The following SLC44A1 variants were observed in gnomAD, a reference collection of about 807,000 sequenced individuals.
The protein encoded by SLC44A1 is solute carrier family 44 member 1.
SLC44A1 carries 26 observed loss-of-function variants against 79.3 expected under a neutral mutation model. That is an observed-to-expected ratio of 0.33 (90% CI 0.24 to 0.46). The LOEUF is 0.46. Ranked by LOEUF, SLC44A1 falls within the 20% of genes least tolerant of loss-of-function variation. The probability of loss-of-function intolerance (pLI) is 1.00; values close to 1 mark genes in which losing one functional copy is unlikely to be tolerated. For synonymous variants in SLC44A1, 263 were observed against 286.2 expected (o/e 0.92, Z 0.82); for missense variants, 688 against 798.1 (o/e 0.86, Z 1.66).
chr9:105,421,092 G>A (rs187518724), intron 15 of SLC44A1, among the ~76,000 whole-genome samples: 474 of 152,108 alleles, frequency 3.1e-3, no homozygotes, highest in African/African-American at 0.011. Context: ...GGTGTTAAGC[G>A]TTTTAAAAAC....
At chr9:105,274,563 T>G (rs1830156908) in intron 1 of SLC44A1, among the ~76,000 whole-genome samples, 1 of 152,226 alleles carries the variant, frequency 6.6e-6, no homozygotes, top group Non-Finnish European at 1.5e-5. Context: ...GTTAACTAAG[T>G]GTTTCATGTC....
chr9:105,371,673 C>T (rs192945189), intron 12 of SLC44A1, among the ~76,000 whole-genome samples: 59 of 135,762 alleles, frequency 4.3e-4, no homozygotes, highest in Non-Finnish European at 7.2e-4. Flanking sequence ...GAGCTGAGAT[C>T]GTGCCTCTGC....
chr9:105,340,412 G>T (rs908545679), intron 4 of SLC44A1, among the ~76,000 whole-genome samples: 3 of 152,216 alleles, frequency 2.0e-5, no homozygotes, highest in African/African-American at 7.2e-5. Context: ...AATGGGTGAA[G>T]AGTTTTAGTT....
In SLC44A1 at chr9:105,257,952, T is replaced by A. The variant is rs550868749; in HGVS notation, c.36+13048T>A. 3.0e-4 allele frequency among the ~76,000 whole-genome samples: 45 copies of A among 152,266 alleles called. 1 individual carries two copies. In the South Asian group the frequency reaches 9.3e-3, roughly 32 times the overall value. On this transcript the variant is annotated intron_variant, in intron 1 of 15. Transcript: ENST00000374720. Reference sequence around the variant, plus strand: ...GTTTTCAGAGTGGTTTAAGGAAGATTAATTTGACAGCATAACTGCACCTGA... The same window carrying A: ...GTTTTCAGAGTGGTTTAAGGAAGATAAATTTGACAGCATAACTGCACCTGA...
intron 5 of SLC44A1, among the ~76,000 whole-genome samples, chr9:105,351,411 G>A (rs552284282): frequency 9.1e-4 from 139 of 152,070 alleles, no homozygotes; most frequent in African/African-American, 3.3e-3. Flanking sequence ...GTGCATGCCT[G>A]TAATCCCAGC....
chr9:105,351,599 A>AG (rs1554797109), intron 5 of SLC44A1, among the ~76,000 whole-genome samples: 2,198 of 101,410 alleles, frequency 0.022, 44 homozygotes, highest in South Asian at 0.037. Context: ...AGAGAAAGAG[A>AG]AAGAAAGAAA....
At chr9:105,327,364 C>T (rs1253025402) in intron 3 of SLC44A1, among the ~76,000 whole-genome samples, 2 of 152,126 alleles carry the variant, frequency 1.3e-5, no homozygotes, top group Non-Finnish European at 2.9e-5. Flanking sequence ...CTCACTGCAA[C>T]CTCCACTTCC....
intron 1 of SLC44A1, among the ~76,000 whole-genome samples, chr9:105,282,068 A>G (rs2131255201): frequency 6.6e-6 from 1 of 152,330 alleles, no homozygotes; most frequent in Non-Finnish European, 1.5e-5. Context: ...GGTGGGCAAG[A>G]TAAATTGCCG....
rs532077748 is a variant in SLC44A1, at chr9:105,300,660, A to G, written c.126+1351A>G. Among the ~76,000 whole-genome samples, 4 of 152,344 alleles carry G rather than the reference A, an allele frequency of 2.6e-5. No individual in the cohort carries two copies. The East Asian group carries it at 5.8e-4, about 22-fold the overall frequency. ...TTTAGGATATTTAGGAAAGGTCAAA[A>G]TACTCATCTCCTAACTTAATGACTT... is the stretch of plus-strand genomic sequence containing the variant. On this transcript the variant is annotated intron_variant, in intron 2 of 15. Coordinates refer to ENST00000374720, the MANE Select transcript of SLC44A1 (RefSeq NM_080546.5).
intron 3 of SLC44A1, 64 bp downstream of exon 3, chr9:105,309,930 C>G: frequency 6.8e-7 from 1 of 1,479,800 alleles, no homozygotes; most frequent in Non-Finnish European, 9.2e-7. Flanking sequence ...GAAAATCCTG[C>G]TGTTCTTGCT....
At chr9:105,380,836 A>G (rs1828440975) in intron 13 of SLC44A1, among the ~76,000 whole-genome samples, 1 of 152,180 alleles carries the variant, frequency 6.6e-6, no homozygotes, top group African/African-American at 2.4e-5. Flanking sequence ...ACTGGGCTTT[A>G]TCATGGATCC....
At chr9:105,414,181 G>A (rs1564056475) in intron 15 of SLC44A1, among the ~76,000 whole-genome samples, 2 of 151,866 alleles carry the variant, frequency 1.3e-5, no homozygotes, top group Non-Finnish European at 2.9e-5. Flanking sequence ...TCCTGCCTCA[G>A]CCTCCCAAGT....
At chr9:105,380,343 C>T (rs78172203) in intron 13 of SLC44A1, among the ~76,000 whole-genome samples, 12,067 of 152,030 alleles carry the variant, frequency 0.079, 587 homozygotes, top group African/African-American at 0.12. Context: ...AGAACAGGAA[C>T]GTCTATTTTT....
rs896315999 is a variant in SLC44A1, at chr9:105,396,645, A to C, written c.*7589A>C. The C allele has an allele frequency of 2.0e-6, 2 of 985,030 alleles. No homozygotes were observed. Among genetic ancestry groups the C allele is most frequent in the Non-Finnish European group, 2.4e-6 (2 of 829,892 alleles). The allele number at this position is 985,030 out of a possible 1,614,324, so 61.0% of individuals were successfully genotyped here. A position where few individuals can be genotyped will look rare whatever the true frequency, so the allele number is the denominator to read the frequency against. On this transcript the variant is annotated 3_prime_UTR_variant, in exon 16 of 16. Coordinates refer to ENST00000374720, the MANE Select transcript of SLC44A1 (RefSeq NM_080546.5). The stretch of plus-strand genomic sequence containing the variant: ...AGAAAACACACATCGGTGTGTCTTG[A>C]TTTCTCGCAGCTGTGTAATGTGGCA...
chr9:105,362,977 A>T lies in SLC44A1; in HGVS notation c.1057A>T (p.Ile353Phe). The change falls in exon 9 of 16, where the codon ATC (isoleucine) becomes TTC (phenylalanine). Residue 353 changes from isoleucine to phenylalanine, a missense_variant. Physicochemically the swap from Ile to Phe is conservative, Grantham distance 21. Transcript: ENST00000374720. Reference protein sequence around the residue: ...FALVLFWVYWIMTLLFLGTTG... With the variant: ...FALVLFWVYWFMTLLFLGTTG... ...TCTTGTCTTGTTTTGGGTGTACTGG[A>T]TCATGACACTTCTTTTTCTTGGCAC... 6.2e-7 allele frequency: 1 copy of T among 1,610,184 alleles called. No individual in the cohort carries two copies. Among genetic ancestry groups the T allele is most frequent in the Middle Eastern group, 1.7e-4 (1 of 6,052 alleles).
intron 12 of SLC44A1, among the ~76,000 whole-genome samples, chr9:105,372,389 C>T (rs1284544968): frequency 1.3e-5 from 2 of 151,906 alleles, no homozygotes; most frequent in African/African-American, 2.4e-5. Context: ...CCCTGGTTCA[C>T]GCAATTCTCC....
chr9:105,404,823 C>G (rs1829007737), intron 15 of SLC44A1, among the ~76,000 whole-genome samples: 1 of 152,194 alleles, frequency 6.6e-6, no homozygotes, highest in African/African-American at 2.4e-5. Context: ...GCGAAAGCCA[C>G]AAAAGCTTTT....
intron 15 of SLC44A1, among the ~76,000 whole-genome samples, chr9:105,433,283 C>T (rs1934646849): frequency 6.6e-6 from 1 of 151,732 alleles, no homozygotes. Flanking sequence ...GCGATGGGAG[C>T]GAGACTCCAT....
intron 5 of SLC44A1, among the ~76,000 whole-genome samples, chr9:105,351,665 A>AGAAAGAAAGAAG (rs1564453146): frequency 2.0e-5 from 3 of 150,632 alleles, no homozygotes; most frequent in East Asian, 1.9e-4. Flanking sequence ...AAAGAAAGAA[A>AGAAAGAAAGAAG]GAAAGAAAGA....
Sources: gnomAD v4.1 joint callset for allele counts (sites outside exome capture counted in the v4.1 genomes callset) on GRCh38, gnomAD v4.1.1 for gene constraint, MANE v1.5 for transcripts, NCBI Gene and HGNC (gene_info 2026-07-23, HGNC 2026-07-21) for gene names.